The following CCDC33 variants were observed in gnomAD, a reference collection of about 807,000 sequenced individuals.
CCDC33 encodes coiled-coil domain-containing protein 33.
CCDC33 carries 94 observed loss-of-function variants against 91.9 expected under a neutral mutation model. That is an observed-to-expected ratio of 1.02 (90% confidence interval 0.87 to 1.21). CCDC33 has a LOEUF of 1.21. CCDC33 is among the 50% of genes most tolerant of loss of function. CCDC33 has a pLI of 0.00. For missense variants in CCDC33, 940 were observed against 935.5 expected, an observed-to-expected ratio of 1.00 and a Z score of -0.06; for synonymous variants, 396 against 374.5, an observed-to-expected ratio of 1.06 and a Z score of -0.66.
At position 74,271,699 on chromosome 15, in the gene CCDC33, C is replaced by A; in HGVS notation, c.547-4C>A. ...TCACCTGCCTCCTCTCCTCTCCTCTCCAGATCTTTCTCCGGGGAGTCAACG... is the reference window on the plus strand; with the variant it reads ...TCACCTGCCTCCTCTCCTCTCCTCTACAGATCTTTCTCCGGGGAGTCAACG... On this transcript the variant is annotated splice_region_variant and splice_polypyrimidine_tract_variant and intron_variant, in intron 5 of 18. Transcript: ENST00000398814. 6.2e-7 allele frequency: 1 copy of A among 1,612,776 alleles called. No individual in the cohort carries two copies. Among genetic ancestry groups the A allele is most frequent in the Middle Eastern group, 1.7e-4 (1 of 6,054 alleles).
chr15:74,228,983 G>A (rs915629142), intron 2 of CCDC33, among the ~76,000 whole-genome samples: 7 of 152,162 alleles, frequency 4.6e-5, no homozygotes, highest in African/African-American at 1.7e-4. Context: ...TGAGTGAGCA[G>A]TTTCCTGTAA....
Position 74,271,088 on chromosome 15 carries a change from AGAGCAGGCACCAGGGTGAGCAGTG to A in CCDC33, c.547-596_547-573del, listed in dbSNP as rs1366150979. Reference sequence around the variant, plus strand: ...TTCCTGGGGAAACCAGCAAGGCAGGAGAGCAGGCACCAGGGTGAGCAGTGGAGCAGGCACCAGGGTGATGGGCAC... The same window carrying A: ...TTCCTGGGGAAACCAGCAAGGCAGGAGAGCAGGCACCAGGGTGATGGGCAC... On this transcript the variant is annotated intron_variant, in intron 5 of 18. Transcript: ENST00000398814. 7.2e-5 allele frequency among the ~76,000 whole-genome samples: 11 copies of A among 152,232 alleles called. No individual in the cohort carries two copies. In the East Asian group the frequency reaches 1.5e-3, roughly 21 times the overall value.
At chr15:74,220,048 G>A (rs548338215) in intron 2 of CCDC33, among the ~76,000 whole-genome samples, 1 of 152,280 alleles carries the variant, frequency 6.6e-6, no homozygotes, top group East Asian at 1.9e-4. Flanking sequence ...GGAGGGAGTC[G>A]AGGGCACCAG....
chr15:74,268,581 A>G, intron 5 of CCDC33, 123 bp downstream of exon 5: 1 of 701,424 alleles, frequency 1.4e-6, no homozygotes, highest in Admixed American at 2.4e-5. Context: ...AGAGATGTCA[A>G]GAATGGAAAA....
chr15:74,280,586 A>G (rs1265344664), intron 8 of CCDC33, 82 bp from the exon 9 acceptor site: 2 of 1,402,812 alleles, frequency 1.4e-6, no homozygotes, highest in Non-Finnish European at 1.9e-6. Context: ...AGCGGGAGAC[A>G]GGAGGACTGG....
chr15:74,213,885 C>T (rs565917692), upstream of CCDC33, among the ~76,000 whole-genome samples: 3 of 152,154 alleles, frequency 2.0e-5, no homozygotes, highest in African/African-American at 4.8e-5. Flanking sequence ...ATCGCAGTGG[C>T]CCAGGAGTCA....
intron 2 of CCDC33, among the ~76,000 whole-genome samples, chr15:74,210,447 C>G (rs1018452659): frequency 6.6e-6 from 1 of 152,140 alleles, no homozygotes; most frequent in Non-Finnish European, 1.5e-5. Context: ...ATACATAAAT[C>G]GTGATCTCAT....
upstream of CCDC33, among the ~76,000 whole-genome samples, chr15:74,232,982 C>T (rs1394512085): frequency 6.6e-6 from 1 of 152,252 alleles, no homozygotes. Flanking sequence ...TATCCCCTCT[C>T]TGTTCCCGGC....
At chr15:74,207,563 C>G (rs1191473002) in intron 1 of CCDC33, 1 of 857,786 alleles carries the variant, frequency 1.2e-6, no homozygotes, top group African/African-American at 1.7e-5. Context: ...CATCTCAGCC[C>G]TTGACTCTGA....
chr15:74,241,714 G>C (rs545639361), intron 1 of CCDC33, among the ~76,000 whole-genome samples: 1 of 152,214 alleles, frequency 6.6e-6, no homozygotes, highest in South Asian at 2.1e-4. Context: ...GAGGCGAGTC[G>C]GGACATACAG....
intron 1 of CCDC33, among the ~76,000 whole-genome samples, chr15:74,241,425 C>G (rs1176041971): frequency 6.6e-6 from 1 of 152,068 alleles, no homozygotes; most frequent in African/African-American, 2.4e-5. Context: ...AGGGCAGAGG[C>G]GGGGAGGCAG....
At chr15:74,237,077 G>T (rs2075185932) in intron 1 of CCDC33, among the ~76,000 whole-genome samples, 1 of 152,228 alleles carries the variant, frequency 6.6e-6, no homozygotes, top group Admixed American at 6.5e-5. Context: ...AGATCTCCCA[G>T]GAGATTCCCA....
In CCDC33 at chr15:74,330,203, C is replaced by A; in HGVS notation, c.1305C>A (p.Tyr435Ter). The A allele has an allele frequency of 6.2e-7, 1 of 1,607,078 alleles. No individual in the cohort carries two copies. Residue 435 changes from tyrosine (Y) to a stop codon, truncating the protein, a stop_gained, in exon 12 of 19, where the codon TAC becomes TAA. Coordinates refer to ENST00000398814, the MANE Select transcript of CCDC33 (RefSeq NM_025055.5). LOFTEE classifies it high-confidence loss of function. Reference sequence around the variant, plus strand: ...GGGATCCACAGGAGATGAACAACTACCGGCGGGCCATGCAGAAGATGGCAG... The same window carrying A: ...GGGATCCACAGGAGATGAACAACTAACGGCGGGCCATGCAGAAGATGGCAG... ...EMSHDTEMNN[Y>*]RRAMQKMAED...
intron 1 of CCDC33, among the ~76,000 whole-genome samples, chr15:74,206,685 TGGA>T (rs2074268307): frequency 6.6e-6 from 1 of 152,106 alleles, no homozygotes; most frequent in South Asian, 2.1e-4. Context: ...GCAGGCTCCC[TGGA>T]GGAGGGGGCC....
intron 2 of CCDC33, among the ~76,000 whole-genome samples, chr15:74,257,751 G>T (rs1197951826): frequency 6.6e-6 from 1 of 152,248 alleles, no homozygotes; most frequent in Non-Finnish European, 1.5e-5. Flanking sequence ...TTTAGGGTCA[G>T]AAACACAGGA....
At chr15:74,265,885 G>T (rs568048776) in intron 3 of CCDC33, among the ~76,000 whole-genome samples, 1 of 152,352 alleles carries the variant, frequency 6.6e-6, no homozygotes, top group African/African-American at 2.4e-5. Context: ...TTGGCTGGGT[G>T]TGGTGGCGGG....
upstream of CCDC33, among the ~76,000 whole-genome samples, chr15:74,216,136 T>G (rs2074441873): frequency 6.6e-6 from 1 of 152,088 alleles, no homozygotes; most frequent in Admixed American, 6.5e-5. Flanking sequence ...CTGCTATTAC[T>G]GAGTCACTAA....
At chr15:74,255,816 C>T (rs1038784177) in intron 2 of CCDC33, among the ~76,000 whole-genome samples, 3 of 152,260 alleles carry the variant, frequency 2.0e-5, no homozygotes, top group African/African-American at 7.2e-5. Context: ...GGGACACGCT[C>T]TTGGGACAGG....
At chr15:74,267,232 C>G (rs1169015104) in intron 4 of CCDC33, among the ~76,000 whole-genome samples, 1 of 152,214 alleles carries the variant, frequency 6.6e-6, no homozygotes, top group African/African-American at 2.4e-5. Flanking sequence ...AAAATCTCCT[C>G]CTCCTGGGTC....
Sources: allele counts gnomAD v4.1 joint callset (sites outside exome capture counted in the v4.1 genomes callset), GRCh38; gene constraint gnomAD v4.1.1; transcripts MANE v1.5; gene names NCBI Gene and HGNC (gene_info 2026-07-23, HGNC 2026-07-21).